Variants in SLC9A1 observed in about 807,000 individuals in gnomAD.
SLC9A1 encodes solute carrier family 9 member A1.
A neutral mutation model predicts 67.9 loss-of-function variants in SLC9A1; 22 were observed. That is an observed-to-expected ratio of 0.32 (90% CI 0.23 to 0.46). SLC9A1 has a LOEUF of 0.46. Ranked by LOEUF, SLC9A1 falls within the 20% of genes least tolerant of loss-of-function variation. The probability of loss-of-function intolerance (pLI) is 1.00; values close to 1 mark genes in which losing one functional copy is unlikely to be tolerated. For missense variants in SLC9A1, 686 were observed against 1,094.8 expected (o/e 0.63, Z 5.27); for synonymous variants, 421 against 471.8 (o/e 0.89, Z 1.40).
chr1:27,140,176 C>G (rs925501428), intron 1 of SLC9A1, among the ~76,000 whole-genome samples: 1 of 152,044 alleles, frequency 6.6e-6, no homozygotes, highest in Non-Finnish European at 1.5e-5. Flanking sequence ...TCCTCCCTCC[C>G]GCACACCCAC....
At chr1:27,138,933 T>G (rs937174553) in intron 1 of SLC9A1, among the ~76,000 whole-genome samples, 3 of 152,042 alleles carry the variant, frequency 2.0e-5, no homozygotes, top group African/African-American at 7.3e-5. Flanking sequence ...CAGACAGCAG[T>G]GGAGCCGCAA....
At chr1:27,146,165 G>A (rs1364038184) in intron 1 of SLC9A1, among the ~76,000 whole-genome samples, 2 of 152,152 alleles carry the variant, frequency 1.3e-5, no homozygotes, top group African/African-American at 4.8e-5. Flanking sequence ...GGTCCTGGGT[G>A]TGCTGAGCGA....
intron 1 of SLC9A1, among the ~76,000 whole-genome samples, chr1:27,141,863 C>G (rs936610392): frequency 1.3e-5 from 2 of 152,154 alleles, no homozygotes; most frequent in Non-Finnish European, 1.5e-5. Flanking sequence ...TCCTGGCCAC[C>G]GGGGAGATAA....
Position 27,113,973 on chromosome 1 carries a change from G to A in SLC9A1, c.666C>T (p.Ile222=), listed in dbSNP as rs537802371. The part of the protein sequence containing the change: ...CLVGGEQINN[I]GLLDNLLFGS... ...CGAAGAGCAGGTTGTCCAGGAGGCC[G>A]ATGTTGTTGATCTGCTCACCGCCCA... Residue 222 remains isoleucine (I), a synonymous_variant, in exon 2 of 12, where the codon ATC becomes ATT. Coordinates refer to ENST00000263980, the MANE Select transcript of SLC9A1 (RefSeq NM_003047.5). The A allele has an allele frequency of 4.3e-6, 7 of 1,614,228 alleles. 1 individual carries two copies. The highest frequency in any genetic ancestry group is 4.0e-5 in the African/African-American group (3 of 75,074).
At chr1:27,134,616 A>G (rs2083406708) in intron 1 of SLC9A1, among the ~76,000 whole-genome samples, 1 of 152,120 alleles carries the variant, frequency 6.6e-6, no homozygotes, top group African/African-American at 2.4e-5. Flanking sequence ...GCCGCAAGTG[A>G]CTGGTTTCAG....
At chr1:27,121,435 C>G (rs1047849830) in intron 1 of SLC9A1, among the ~76,000 whole-genome samples, 5 of 152,198 alleles carry the variant, frequency 3.3e-5, no homozygotes, top group African/African-American at 1.2e-4. Context: ...CCTCCATTTT[C>G]TTGTCTGTAA....
rs374362940 is a variant in SLC9A1 at position 27,114,297 on chromosome 1, C to T, written c.353-11G>A. 1.0e-5 allele frequency: 16 copies of T among 1,598,118 alleles called. No homozygotes were observed. The highest frequency in any genetic ancestry group is 4.0e-5 in the African/African-American group (3 of 74,672). ...GGATCACATGGAAACCTGCGGAGGG[C>T]GAGAGAACGGGAGGCCATGGGCTTT... On this transcript the variant is annotated splice_polypyrimidine_tract_variant and intron_variant, in intron 1 of 11. Transcript: ENST00000263980. This position sits in a 1 kb window ranked among gnomAD's most constrained non-coding sequence, Gnocchi z 5.4.
chr1:27,100,750 G>C lies in SLC9A1; in HGVS notation c.2111-106C>G. 1.1e-6 allele frequency: 1 copy of C among 889,256 alleles called. No homozygotes were observed. The highest frequency in any genetic ancestry group is 1.7e-6 in the Non-Finnish European group (1 of 574,424). 55.1% of individuals were successfully genotyped at this position (889,256 alleles called of 1,614,324 possible). On this transcript the variant is annotated intron_variant, in intron 11 of 11. Transcript: ENST00000263980. The surrounding 1 kb of genome is among the most constrained non-coding windows in gnomAD (Gnocchi z 5.6). ...TCCTTCAGGCCTTCTCATGAGCACA[G>C]CCGTCCCGGTCCCAACAGGCCTCAG...
intron 1 of SLC9A1, among the ~76,000 whole-genome samples, chr1:27,125,536 GCGCCCAGCCCACATATCCACTCT>G (rs2083337271): frequency 6.6e-6 from 1 of 151,748 alleles, no homozygotes; most frequent in Non-Finnish European, 1.5e-5. Context: ...CTGAGCCACT[GCGCCCAGCCCACATATCCACTCT>G]TGCCCCCCAG....
intron 1 of SLC9A1, among the ~76,000 whole-genome samples, chr1:27,120,785 A>G (rs1000988310): frequency 6.6e-6 from 1 of 152,096 alleles, no homozygotes; most frequent in Non-Finnish European, 1.5e-5. Flanking sequence ...AACACTGGAC[A>G]CTTGGAGAAT....
Position 27,154,177 on chromosome 1 carries a change from C to G in SLC9A1, c.158G>C (p.Arg53Pro). 6.2e-7 allele frequency: 1 copy of G among 1,614,120 alleles called. No individual in the cohort carries two copies. Among genetic ancestry groups the G allele is most frequent in the Non-Finnish European group, 8.5e-7 (1 of 1,180,002 alleles). Residue 53 changes from arginine (R) to proline (P), a missense_variant, in exon 1 of 12, where the codon CGA (arginine) becomes CCA (proline). Around this residue, in one of 7 missense-constraint regions of SLC9A1, gnomAD observed 143 missense variants for 166.7 expected, o/e 0.86. Transcript: ENST00000263980. ...GGTGACATCCCCAATCGAGCGTTCTCGTGGTGGCTCTGAGCTTCGAATGGT... is the reference window on the plus strand; with the variant it reads ...GGTGACATCCCCAATCGAGCGTTCTGGTGGTGGCTCTGAGCTTCGAATGGT... Reference protein sequence around the residue: ...ASTIRSSEPPRERSIGDVTTA... With the variant: ...ASTIRSSEPPPERSIGDVTTA...
rs1389517109 is a variant in SLC9A1 at position 27,101,833 on chromosome 1, G to A, written c.1936-7C>T. 1.9e-6 allele frequency: 3 copies of A among 1,603,840 alleles called. No homozygotes were observed. In the South Asian group the frequency reaches 3.3e-5, roughly 18 times the overall value. On this transcript the variant is annotated splice_polypyrimidine_tract_variant and splice_region_variant and intron_variant, in intron 9 of 11. Coordinates refer to ENST00000263980, the MANE Select transcript of SLC9A1 (RefSeq NM_003047.5). This position sits in a 1 kb window ranked among gnomAD's most constrained non-coding sequence, Gnocchi z 4.9. Reference sequence around the variant, plus strand: ...GTCTGTTGTAGGACCGCAGCTGTGGGAGGGACAGCGTCAGGGCAGTGCGGG... The same window carrying A: ...GTCTGTTGTAGGACCGCAGCTGTGGAAGGGACAGCGTCAGGGCAGTGCGGG...
chr1:27,123,818 T>C (rs1023900914), intron 1 of SLC9A1, among the ~76,000 whole-genome samples: 3 of 151,752 alleles, frequency 2.0e-5, no homozygotes, highest in Non-Finnish European at 2.9e-5. Flanking sequence ...GCCCTTTTAT[T>C]GGGCTTTAAA....
In SLC9A1 at chr1:27,114,548, C is replaced by G. The variant is rs150928598; in HGVS notation, c.353-262G>C. Among the ~76,000 whole-genome samples the G allele has an allele frequency of 3.9e-5, 6 of 152,324 alleles. No individual in the cohort carries two copies. Among genetic ancestry groups the G allele is most frequent in the Admixed American group, 3.9e-4 (6 of 15,306 alleles). ...TTTTCAAAGGATATATACATGCTAT[C>G]TCTGTCACTGTCATAAAATGTTAGA... On this transcript the variant is annotated intron_variant, in intron 1 of 11. Transcript: ENST00000263980. The surrounding 1 kb of genome is among the most constrained non-coding windows in gnomAD (Gnocchi z 5.4).
intron 1 of SLC9A1, among the ~76,000 whole-genome samples, chr1:27,141,555 T>C (rs1391239978): frequency 6.6e-6 from 1 of 152,240 alleles, no homozygotes; most frequent in Non-Finnish European, 1.5e-5. Context: ...TAAACTCCCG[T>C]AGAATTCCAT....
At chr1:27,110,682 A>C (rs548708651) in intron 2 of SLC9A1, among the ~76,000 whole-genome samples, 2 of 152,228 alleles carry the variant, frequency 1.3e-5, no homozygotes. Flanking sequence ...ACAACACGCC[A>C]GGGGGCCCCC....
intron 1 of SLC9A1, among the ~76,000 whole-genome samples, chr1:27,136,074 T>C (rs531996261): frequency 1.3e-5 from 2 of 152,288 alleles, no homozygotes; most frequent in African/African-American, 4.8e-5. Context: ...CCCAGAAGGA[T>C]GCCTTGAATC....
At position 27,100,200 on chromosome 1, in the gene SLC9A1, GAGGGGC is replaced by G; in HGVS notation, c.*101_*106del. The G allele has an allele frequency of 1.3e-6, 1 of 765,854 alleles. No homozygotes were observed. The highest frequency in any genetic ancestry group is 2.0e-6 in the Non-Finnish European group (1 of 502,904). 47.4% of individuals were successfully genotyped at this position (765,854 alleles called of 1,614,324 possible). On this transcript the variant is annotated 3_prime_UTR_variant, in exon 12 of 12. Coordinates refer to ENST00000263980, the MANE Select transcript of SLC9A1 (RefSeq NM_003047.5). This position sits in a 1 kb window ranked among gnomAD's most constrained non-coding sequence, Gnocchi z 5.6. ...GGGCCCAGCTGCCATGCGGTAGGGG[GAGGGGC>G]AGGGCCAATCCGGGTCAGGAAGGGC...
At chr1:27,127,523 C>G (rs182698789) in intron 1 of SLC9A1, among the ~76,000 whole-genome samples, 34 of 152,282 alleles carry the variant, frequency 2.2e-4, no homozygotes, top group Admixed American at 1.8e-3. Flanking sequence ...CAATCCAGCG[C>G]TCAGCCAAGG....
Sources: allele counts gnomAD v4.1 joint callset (sites outside exome capture counted in the v4.1 genomes callset), GRCh38; gene constraint gnomAD v4.1.1; regional missense constraint gnomAD v4.1.1; non-coding constraint Gnocchi (gnomAD v3.1); transcripts MANE v1.5; gene names NCBI Gene and HGNC (gene_info 2026-07-23, HGNC 2026-07-21).